ZNF565: variants seen among roughly 807,000 people sequenced by gnomAD.
ZNF565 encodes zinc finger protein 565.
In ZNF565, 27 loss-of-function variants were observed where a neutral mutation model predicts 39.4. The ratio of observed to expected loss-of-function variants is 0.69; its 90% CI spans 0.51 to 0.95. The LOEUF (loss-of-function observed/expected upper bound fraction) is 0.95, where lower values mean the gene tolerates loss of function less well. Among genes scored for constraint, ZNF565 ranks in the 40% least tolerant of loss-of-function variants. The pLI, the probability that ZNF565 is intolerant of heterozygous loss-of-function variation, is 0.00. For synonymous variants in ZNF565, 185 were observed against 216.6 expected, an observed-to-expected ratio of 0.85 and a Z score of 1.28; for missense variants, 524 against 621.1, an observed-to-expected ratio of 0.84 and a Z score of 1.66.
chr19:36,199,477 C>T (rs1975877029), intron 2 of ZNF565, among the ~76,000 whole-genome samples: 1 of 150,996 alleles, frequency 6.6e-6, no homozygotes, highest in Non-Finnish European at 1.5e-5. Context: ...TAAAACATAA[C>T]ACCCTTTTAA....
At chr19:36,194,750 T>G in intron 3 of ZNF565, 1 of 546,292 alleles carries the variant, frequency 1.8e-6, no homozygotes, top group Non-Finnish European at 3.3e-6. Context: ...TGGCTTCTCA[T>G]TGGCTTTGGC....
intron 1 of ZNF565, among the ~76,000 whole-genome samples, chr19:36,229,282 C>T (rs757366065): frequency 2.6e-5 from 4 of 152,220 alleles, no homozygotes; most frequent in Admixed American, 6.5e-5. Context: ...TCTCTGCCAT[C>T]GTAGATCCAT....
intron 1 of ZNF565, 120 bp from the exon 2 acceptor site, chr19:36,202,170 A>G: frequency 1.5e-6 from 1 of 646,430 alleles, no homozygotes; most frequent in Non-Finnish European, 2.8e-6. Context: ...TGCTTCTCCC[A>G]CCTCTCCATG....
At position 36,245,635 on chromosome 19, in the gene ZNF565, T is replaced by C. The variant is rs982922887; in HGVS notation, c.-105A>G. 12 of 695,874 alleles carry C rather than the reference T, an allele frequency of 1.7e-5. No homozygotes were observed. In the Admixed American group the frequency reaches 1.8e-4, roughly 11 times the overall value. The allele number at this position is 695,874 out of a possible 1,614,324, so 43.1% of individuals were successfully genotyped here. On this transcript the variant is annotated 5_prime_UTR_variant, in exon 1 of 5. Transcript: ENST00000355114. The surrounding 1 kb of genome is among the most constrained non-coding windows in gnomAD (Gnocchi z 4.4). ...GCTTCGAGGCTACCACCTGCCCGAA[T>C]TGGTGCTTTGGCAGAGTCTCTGGTG...
Position 36,245,793 on chromosome 19 carries a change from A to G in ZNF565, c.-263T>C. ...CTTGGAGGGCTCGGTGCCGGAGGCT[A>G]CTCTTGAGTCCCGGTTCCTTCGCCC... On this transcript the variant is annotated 5_prime_UTR_variant, in exon 1 of 5. Transcript: ENST00000355114. The surrounding 1 kb of genome is among the most constrained non-coding windows in gnomAD (Gnocchi z 4.4). 1 of 457,962 alleles carries G rather than the reference A, an allele frequency of 2.2e-6. No individual in the cohort carries two copies. Among genetic ancestry groups the G allele is most frequent in the South Asian group, 3.3e-5 (1 of 29,952 alleles). 28.4% of individuals were successfully genotyped at this position (457,962 alleles called of 1,614,324 possible). A position where few individuals can be genotyped will look rare whatever the true frequency, so the allele number is the denominator to read the frequency against.
chr19:36,187,486 C>T (rs915105930), intron 4 of ZNF565, among the ~76,000 whole-genome samples: 5 of 151,800 alleles, frequency 3.3e-5, no homozygotes, highest in Non-Finnish European at 5.9e-5. Flanking sequence ...CTCAGCTTCC[C>T]GAGTAGCTGG....
chr19:36,227,392 A>G (rs927840232), intron 1 of ZNF565, among the ~76,000 whole-genome samples: 1 of 149,632 alleles, frequency 6.7e-6, no homozygotes, highest in African/African-American at 2.5e-5. Context: ...TCTGTCACAA[A>G]AAAAAAAAAA....
intron 1 of ZNF565, chr19:36,236,349 G>A (rs1977643166): frequency 5.6e-6 from 8 of 1,433,288 alleles, no homozygotes; most frequent in Non-Finnish European, 5.6e-6. Flanking sequence ...TGTAAGAGAT[G>A]TGGAAATATC....
In ZNF565 at chr19:36,190,648, T is replaced by G. The variant is rs112995919; in HGVS notation, c.232+3585A>C. ...ACAAGATGGCGAGATTATCCCAGTT[T>G]ATCTGGGTGGACACAATGTATTCAC... is the stretch of plus-strand genomic sequence containing the variant. On this transcript the variant is annotated intron_variant, in intron 4 of 4. Transcript: ENST00000304116. 2.8e-3 allele frequency among the ~76,000 whole-genome samples: 424 copies of G among 150,974 alleles called. 5 individuals carry two copies. The highest frequency in any genetic ancestry group is 9.5e-3 in the African/African-American group (392 of 41,082).
rs7252460 is a variant in ZNF565 at position 36,229,912 on chromosome 19, G to A, written c.55+15564C>T. Among the ~76,000 whole-genome samples, 358 of 152,250 alleles carry A rather than the reference G, an allele frequency of 2.4e-3. 1 individual carries two copies. Among genetic ancestry groups the A allele is most frequent in the African/African-American group, 8.1e-3 (336 of 41,550 alleles). On this transcript the variant is annotated intron_variant, in intron 1 of 4. Coordinates refer to the ZNF565 transcript ENST00000355114. ...TTTTTGTATTTTTCATAGAGATGGG[G>A]TTTTGCCATGTTGGCCAGGCTGGTC... is the stretch of plus-strand genomic sequence containing the variant.
upstream of ZNF565, among the ~76,000 whole-genome samples, chr19:36,218,840 G>A (rs1437224210): frequency 7.4e-6 from 1 of 134,854 alleles, no homozygotes; most frequent in Non-Finnish European, 1.6e-5. Flanking sequence ...ACAGAGTCTC[G>A]GTTTGTCGCC....
intron 1 of ZNF565, among the ~76,000 whole-genome samples, chr19:36,206,954 G>A (rs973838847): frequency 5.3e-5 from 8 of 152,170 alleles, no homozygotes; most frequent in African/African-American, 1.7e-4. Flanking sequence ...GAAGGTGACA[G>A]GTAAGCACAG....
intron 1 of ZNF565, among the ~76,000 whole-genome samples, chr19:36,209,902 TAATA>T (rs934836409): frequency 2.0e-5 from 3 of 151,826 alleles, no homozygotes; most frequent in Non-Finnish European, 2.9e-5. Flanking sequence ...ATATAATGGT[TAATA>T]AATAAATTAT....
Position 36,182,804 on chromosome 19 carries a change from C to G in ZNF565, c.1162G>C (p.Asp388His). Residue 388 changes from aspartate to histidine, a missense_variant, in exon 5 of 5, where the codon GAC becomes CAC. By Grantham distance (81) the Asp-to-His change is moderately conservative (BLOSUM62 -1). Coordinates refer to ENST00000304116, the MANE Select transcript of ZNF565 (RefSeq NM_152477.5). ...CAGTCCTTACATTCATAGGGTCTGTCGCCAGTATGGACTCTCTGATGTCGT... is the reference window on the plus strand; with the variant it reads ...CAGTCCTTACATTCATAGGGTCTGTGGCCAGTATGGACTCTCTGATGTCGT... ...LTRHQRVHTG[D>H]RPYECKDCGK... is the part of the protein sequence containing the mutation. 6.2e-7 allele frequency: 1 copy of G among 1,614,124 alleles called. No homozygotes were observed. The highest frequency in any genetic ancestry group is 8.5e-7 in the Non-Finnish European group (1 of 1,180,038).
At chr19:36,236,802 C>G (rs1216313696) in intron 1 of ZNF565, 1 of 1,614,080 alleles carries the variant, frequency 6.2e-7, no homozygotes, top group East Asian at 2.2e-5. Flanking sequence ...CACCAGAGAA[C>G]TCACACAGGA....
chr19:36,202,044 C>T lies in ZNF565; in HGVS notation c.-59G>A. 6.2e-7 allele frequency: 1 copy of T among 1,609,836 alleles called. No individual in the cohort carries two copies. Among genetic ancestry groups the T allele is most frequent in the South Asian group, 1.1e-5 (1 of 91,004 alleles). ...TCTGGATTCTTCTCTTGGACAAGTG[C>T]AGAGTCCTGAAAAAGCAAAATGGGG... On this transcript the variant is annotated 5_prime_UTR_variant, in exon 2 of 5. Transcript: ENST00000304116.
At chr19:36,244,721 T>G (rs148973228) in intron 1 of ZNF565, among the ~76,000 whole-genome samples, 2 of 150,864 alleles carry the variant, frequency 1.3e-5, no homozygotes, top group South Asian at 2.1e-4. Context: ...TGTGGTGGCA[T>G]GCGCCTGTAA....
rs370374763 is a variant in ZNF565 at position 36,194,213 on chromosome 19, C to A, written c.232+20G>T. ...GACTCATCCAGGGACCTTCCCCTGT[C>A]GAAATCGGCCCTCGCTTACCTGGGC... On this transcript the variant is annotated intron_variant, in intron 4 of 4. Coordinates refer to ENST00000304116, the MANE Select transcript of ZNF565 (RefSeq NM_152477.5). The A allele has an allele frequency of 2.5e-6, 4 of 1,596,790 alleles. No individual in the cohort carries two copies. The highest frequency in any genetic ancestry group is 2.3e-5 in the South Asian group (2 of 88,494).
chr19:36,185,282 C>T (rs1159917890), intron 4 of ZNF565, among the ~76,000 whole-genome samples: 1 of 151,872 alleles, frequency 6.6e-6, no homozygotes, highest in African/African-American at 2.4e-5. Flanking sequence ...GCCGTGGTGG[C>T]ACATGCCTGT....
Sources: gnomAD v4.1 joint callset for allele counts (sites outside exome capture counted in the v4.1 genomes callset) on GRCh38, gnomAD v4.1.1 for gene constraint, Gnocchi (gnomAD v3.1) non-coding constraint, MANE v1.5 for transcripts, NCBI Gene and HGNC (gene_info 2026-07-23, HGNC 2026-07-21) for gene names.